PPP1R26: variants seen among roughly 807,000 people sequenced by gnomAD.
PPP1R26 encodes protein phosphatase 1 regulatory subunit 26, also known as 1A6/DRIM (down-regulated in metastasis) interacting protein.
Under a neutral mutation model 67.6 loss-of-function variants are expected in PPP1R26, and 22 were observed. That is an observed-to-expected ratio of 0.33 (90% confidence interval 0.23 to 0.46). The LOEUF is 0.46. Ranked by LOEUF, PPP1R26 falls within the 20% of genes least tolerant of loss-of-function variation. The pLI is 1.00. For missense variants in PPP1R26, 1,602 were observed against 1,651.4 expected (o/e 0.97, Z 0.52); for synonymous variants, 729 against 717.2 (o/e 1.02, Z -0.26).
At chr9:135,480,626 C>T (rs1407322540) in intron 1 of PPP1R26, 5 of 152,342 alleles carry the variant, frequency 3.3e-5, no homozygotes, top group African/African-American at 4.8e-5. Flanking sequence ...GTAGCCCAAG[C>T]TTGGGAGTCA....
At chr9:135,479,102 CG>C (rs1830424784), upstream of PPP1R26, 1 of 152,322 alleles carries the variant, frequency 6.6e-6, no homozygotes, top group Non-Finnish European at 1.5e-5. This position sits in a 1 kb window ranked among gnomAD's most constrained non-coding sequence, Gnocchi z 5.9. Context: ...GAAACAGCAG[CG>C]GCCTCAAGGT....
chr9:135,483,743 T>C (rs1482041991), intron 2 of PPP1R26, among the ~76,000 whole-genome samples: 1 of 152,230 alleles, frequency 6.6e-6, no homozygotes, highest in Non-Finnish European at 1.5e-5. Context: ...GTCTGAAATC[T>C]GGCAGCGCAG....
chr9:135,484,176 C>T (rs1830620527), intron 3 of PPP1R26, 94 bp downstream of exon 3: 2 of 462,286 alleles, frequency 4.3e-6, no homozygotes, highest in East Asian at 6.6e-5. Flanking sequence ...CCCCGGGCGG[C>T]ACCGTGGAGG....
At chr9:135,482,543 T>C in intron 1 of PPP1R26, 140 bp from the exon 2 acceptor site, 1 of 394,914 alleles carries the variant, frequency 2.5e-6, no homozygotes, top group East Asian at 3.6e-5. Context: ...GTACTTGTGG[T>C]TAAATGTCTT....
rs1292751552 is a variant in PPP1R26, at chr9:135,487,632, T to C, written c.3122T>C (p.Val1041Ala). ...AHQSRLPSPW[V>A]LRSEGRDAVW... ...CAGAGTCGGCTGCCCAGCCCGTGGG[T>C]GCTGCGCTCCGAAGGCAGAGATGCA... The change falls in exon 4 of 4, where the codon GTG (valine) becomes GCG (alanine). Residue 1041 changes from valine to alanine, a missense_variant. This residue lies in a region of PPP1R26 where 740 missense variants were observed against 696.3 expected (regional missense o/e 1.06). Coordinates refer to ENST00000356818, the MANE Select transcript of PPP1R26 (RefSeq NM_014811.5). The C allele has an allele frequency of 6.8e-7, 1 of 1,480,062 alleles. No individual in the cohort carries two copies. Among genetic ancestry groups the C allele is most frequent in the Non-Finnish European group, 9.0e-7 (1 of 1,115,032 alleles). The allele number at this position is 1,480,062 out of a possible 1,614,324, so 91.7% of individuals were successfully genotyped here. A position where few individuals can be genotyped will look rare whatever the true frequency, so the allele number is the denominator to read the frequency against.
At chr9:135,481,983 C>T (rs536950036) in intron 1 of PPP1R26, among the ~76,000 whole-genome samples, 1 of 152,294 alleles carries the variant, frequency 6.6e-6, no homozygotes, top group South Asian at 2.1e-4. Flanking sequence ...CACTGGGTGT[C>T]CAGGCCTTCT....
At position 135,485,846 on chromosome 9, in the gene PPP1R26, G is replaced by A; in HGVS notation, c.1336G>A (p.Ala446Thr). The change falls in exon 4 of 4, where the codon GCC (alanine) becomes ACC (threonine). Residue 446 changes from alanine (A) to threonine (T), a missense_variant. This residue lies in a region of PPP1R26 where 680 missense variants were observed against 726.1 expected (regional missense o/e 0.94). Coordinates refer to ENST00000356818, the MANE Select transcript of PPP1R26 (RefSeq NM_014811.5). The surrounding 1 kb of genome is among the most constrained non-coding windows in gnomAD (Gnocchi z 7.2). ...TCCAGGGGGCCTGGACACTGACCAT[G>A]CCCCCAAGCTCCTGAAGGAAACCAA... ...PGPGGLDTDH[A>T]PKLLKETKAP... 6.2e-6 allele frequency: 10 copies of A among 1,613,248 alleles called. No individual in the cohort carries two copies. Among genetic ancestry groups the A allele is most frequent in the Non-Finnish European group, 8.5e-6 (10 of 1,179,976 alleles).
Position 135,487,036 on chromosome 9 carries a change from G to T in PPP1R26, c.2526G>T (p.Arg842Ser). The T allele has an allele frequency of 6.2e-7, 1 of 1,611,382 alleles. No individual in the cohort carries two copies. The highest frequency in any genetic ancestry group is 8.5e-7 in the Non-Finnish European group (1 of 1,179,718). The change falls in exon 4 of 4, where the codon AGG becomes AGT. Residue 842 changes from arginine (R) to serine (S), a missense_variant. By Grantham distance (110) the Arg-to-Ser change is moderately radical. Around this residue, in one of 5 missense-constraint regions of PPP1R26, gnomAD observed 740 missense variants for 696.3 expected, o/e 1.06. Coordinates refer to ENST00000356818, the MANE Select transcript of PPP1R26 (RefSeq NM_014811.5). ...DSNDSIELEIRKFLAEKAKES... is the reference protein window; with the variant it reads ...DSNDSIELEISKFLAEKAKES... ...ACGACAGCATCGAACTGGAGATTAG[G>T]AAGTTTTTGGCGGAAAAGGCCAAGG...
chr9:135,485,239 A>G lies in PPP1R26; in HGVS notation c.729A>G (p.Gln243=), dbSNP rs1830670237. 1.2e-6 allele frequency: 2 copies of G among 1,612,826 alleles called. No individual in the cohort carries two copies. The highest frequency in any genetic ancestry group is 1.3e-5 in the African/African-American group (1 of 74,932). The change falls in exon 4 of 4, where the codon CAA becomes CAG. Residue 243 remains glutamine (Q), a synonymous_variant. Transcript: ENST00000356818. This position sits in a 1 kb window ranked among gnomAD's most constrained non-coding sequence, Gnocchi z 7.2. ...ATGAGAAGAGACAGCATGAGACCCA[A>G]AAATGTGATGGGTCAGTGGAGAAGA... The part of the protein sequence containing the change: ...FLNEKRQHET[Q]KCDGSVEKKP...
In PPP1R26 at chr9:135,486,127, G is replaced by A. The variant is rs1830719900; in HGVS notation, c.1617G>A (p.Arg539=). The change falls in exon 4 of 4, where the codon CGG becomes CGA. Residue 539 remains arginine, a synonymous_variant. Coordinates refer to ENST00000356818, the MANE Select transcript of PPP1R26 (RefSeq NM_014811.5). The surrounding 1 kb of genome is among the most constrained non-coding windows in gnomAD (Gnocchi z 6.2). ...ATGACAGCATCGAGCAGGAAATCCG[G>A]ACATTTTTGGCCCTAAAGGCGCAGT... The part of the protein sequence containing the change: ...DSDDSIEQEI[R]TFLALKAQSG... The A allele has an allele frequency of 6.2e-7, 1 of 1,612,820 alleles. No homozygotes were observed. Among genetic ancestry groups the A allele is most frequent in the Admixed American group, 1.7e-5 (1 of 60,008 alleles).
chr9:135,484,484 T>A lies in PPP1R26; in HGVS notation c.-27T>A, dbSNP rs374673695. On this transcript the variant is annotated 5_prime_UTR_variant, in exon 4 of 4. Transcript: ENST00000356818. ...CGGTAGAGAAATAAAGCATCGCCCC[T>A]CTGCGCGCCCCTCCCCGTCTGCTAG... 1 of 1,520,240 alleles carries A rather than the reference T, an allele frequency of 6.6e-7. No individual in the cohort carries two copies. The highest frequency in any genetic ancestry group is 8.9e-7 in the Non-Finnish European group (1 of 1,126,044). The allele number at this position is 1,520,240 out of a possible 1,614,324, so 94.2% of individuals were successfully genotyped here. A position where few individuals can be genotyped will look rare whatever the true frequency, so the allele number is the denominator to read the frequency against.
At position 135,485,650 on chromosome 9, in the gene PPP1R26, A is replaced by G; in HGVS notation, c.1140A>G (p.Thr380=). ...TCCAGCTGTACCAGCTGCAGAAAAC[A>G]CGCAAGGAGGCCGACGGGGACCTGC... ...EAIQLYQLQK[T]RKEADGDLPQ... is the part of the protein sequence containing the mutation. Residue 380 remains threonine (T), a synonymous_variant, in exon 4 of 4, where the codon ACA becomes ACG. Transcript: ENST00000356818. The surrounding 1 kb of genome is among the most constrained non-coding windows in gnomAD (Gnocchi z 7.2). 1 of 1,612,724 alleles carries G rather than the reference A, an allele frequency of 6.2e-7. No homozygotes were observed.
intron 2 of PPP1R26, chr9:135,483,387 G>A (rs866898481): frequency 6.6e-6 from 1 of 152,222 alleles, no homozygotes; most frequent in African/African-American, 2.4e-5. Context: ...AAAGCTCCTG[G>A]TAAAGAAGAA....
intron 1 of PPP1R26, among the ~76,000 whole-genome samples, chr9:135,482,103 G>A (rs958452073): frequency 1.7e-4 from 26 of 152,268 alleles, no homozygotes; most frequent in East Asian, 3.9e-4. Flanking sequence ...GACTTGGGCC[G>A]GTTTTCTTAA....
chr9:135,486,234 C>A lies in PPP1R26; in HGVS notation c.1724C>A (p.Thr575Asn), dbSNP rs754345072. 1.6e-5 allele frequency: 25 copies of A among 1,612,874 alleles called. No individual in the cohort carries two copies. The Middle Eastern group carries it at 4.9e-4, about 32-fold the overall frequency. ...PLLPPGLNSQ[T>N]GGHKTPLSKT... The stretch of plus-strand genomic sequence containing the variant: ...TTGCCGCCTGGCCTCAACAGCCAGA[C>A]CGGCGGCCACAAGACCCCTCTCTCT... Residue 575 changes from threonine (T) to asparagine (N), a missense_variant, in exon 4 of 4, where the codon ACC becomes AAC. Transcript: ENST00000356818. This position sits in a 1 kb window ranked among gnomAD's most constrained non-coding sequence, Gnocchi z 6.2.
At chr9:135,482,415 C>A (rs181199527) in intron 1 of PPP1R26, among the ~76,000 whole-genome samples, 2 of 152,316 alleles carry the variant, frequency 1.3e-5, no homozygotes, top group Admixed American at 6.5e-5. Flanking sequence ...TAGCAGATAA[C>A]GTCACATACG....
chr9:135,485,487 G>A lies in PPP1R26; in HGVS notation c.977G>A (p.Arg326His), dbSNP rs761538566. The change falls in exon 4 of 4, where the codon CGC becomes CAC. Residue 326 changes from arginine (R) to histidine (H), a missense_variant. Physicochemically the swap from Arg to His is conservative, Grantham distance 29 (BLOSUM62 0). Around this residue, in one of 5 missense-constraint regions of PPP1R26, gnomAD observed 680 missense variants for 726.1 expected, o/e 0.94. Transcript: ENST00000356818. The surrounding 1 kb of genome is among the most constrained non-coding windows in gnomAD (Gnocchi z 7.2). Reference sequence around the variant, plus strand: ...AGCACGAAGCCGGCAACCCCCTGCCGCCCTTCAGAAGCAGCACAGAATAAA... The same window carrying A: ...AGCACGAAGCCGGCAACCCCCTGCCACCCTTCAGAAGCAGCACAGAATAAA... The part of the protein sequence containing the change: ...EGSTKPATPC[R>H]PSEAAQNKGG... The A allele has an allele frequency of 3.0e-5, 48 of 1,613,048 alleles. No homozygotes were observed. Among genetic ancestry groups the A allele is most frequent in the African/African-American group, 5.3e-5 (4 of 75,050 alleles).
chr9:135,485,548 G>A lies in PPP1R26; in HGVS notation c.1038G>A (p.Arg346=). ...AAAGGAGCGCCAGCGCTGCAAGGAGGGGAAAGCGAGTCATGAGTGCGGCAC... is the reference window on the plus strand; with the variant it reads ...AAAGGAGCGCCAGCGCTGCAAGGAGAGGAAAGCGAGTCATGAGTGCGGCAC... The part of the protein sequence containing the change: ...GIKRSASAAR[R]GKRVMSAAQA... The change falls in exon 4 of 4, where the codon AGG becomes AGA. Residue 346 remains arginine, a synonymous_variant. Transcript: ENST00000356818. This position sits in a 1 kb window ranked among gnomAD's most constrained non-coding sequence, Gnocchi z 7.2. The A allele has an allele frequency of 6.2e-7, 1 of 1,613,286 alleles. No homozygotes were observed. The highest frequency in any genetic ancestry group is 1.3e-5 in the African/African-American group (1 of 75,064).
rs1480416754 is a variant in PPP1R26 at position 135,479,906 on chromosome 9, G to C, written c.-445G>C. 2.1e-5 allele frequency: 3 copies of C among 144,658 alleles called. No individual in the cohort carries two copies. Among genetic ancestry groups the C allele is most frequent in the African/African-American group, 7.4e-5 (3 of 40,440 alleles). The allele number at this position is 144,658 out of a possible 1,614,324, so 9.0% of individuals were successfully genotyped here. The stretch of plus-strand genomic sequence containing the variant: ...CGCCCCCTCCCCGCGCCCCGGCCGA[G>C]GGCGGAGCGCGCTGGCCCTGCAGCC... On this transcript the variant is annotated 5_prime_UTR_variant, in exon 1 of 4. Transcript: ENST00000356818. This position sits in a 1 kb window ranked among gnomAD's most constrained non-coding sequence, Gnocchi z 5.9.
Sources: allele counts gnomAD v4.1 joint callset (sites outside exome capture counted in the v4.1 genomes callset), GRCh38; gene constraint gnomAD v4.1.1; regional missense constraint gnomAD v4.1.1; non-coding constraint Gnocchi (gnomAD v3.1); transcripts MANE v1.5; gene names NCBI Gene and HGNC (gene_info 2026-07-23, HGNC 2026-07-21).